The following L3MBTL1 variants were observed in gnomAD, a reference collection of about 807,000 sequenced individuals.
L3MBTL1 encodes the protein lethal(3)malignant brain tumor-like protein 1.
In L3MBTL1, 75 loss-of-function variants were observed where a neutral mutation model predicts 105.3. The ratio of observed to expected loss-of-function variants is 0.71; its 90% CI spans 0.59 to 0.86. The LOEUF is 0.86. Among genes scored for constraint, L3MBTL1 ranks in the 40% least tolerant of loss-of-function variants. L3MBTL1 has a pLI of 0.00. For missense variants in L3MBTL1, 1,069 were observed against 1,126.4 expected, an observed-to-expected ratio of 0.95 and a Z score of 0.73; for synonymous variants, 452 against 436.2, an observed-to-expected ratio of 1.04 and a Z score of -0.45.
Position 43,515,063 on chromosome 20 carries a change from A to G in L3MBTL1, c.557A>G (p.Asp186Gly). Residue 186 changes from aspartate to glycine, a missense_variant, in exon 5 of 22, where the codon GAT becomes GGT. Asp to Gly is a moderately conservative substitution (Grantham distance 94). Coordinates refer to ENST00000418998, the MANE Select transcript of L3MBTL1 (RefSeq NM_001377303.1). ...EDPNQDPPED[D>G]STCQCQACGP... ...CCCAATCAGGACCCCCCAGAGGATGATAGCACCTGTCAGTGCCAGGCGTGC... is the reference window on the plus strand; with the variant it reads ...CCCAATCAGGACCCCCCAGAGGATGGTAGCACCTGTCAGTGCCAGGCGTGC... 1.9e-6 allele frequency: 3 copies of G among 1,614,122 alleles called. No individual in the cohort carries two copies. The highest frequency in any genetic ancestry group is 2.5e-6 in the Non-Finnish European group (3 of 1,179,976).
chr20:43,545,882 T>C (rs533082250), downstream of L3MBTL1, among the ~76,000 whole-genome samples: 5 of 152,184 alleles, frequency 3.3e-5, no homozygotes, highest in Non-Finnish European at 7.3e-5. Context: ...ATGGGGTTCA[T>C]TCCCCCACTC....
chr20:43,514,840 C>T, intron 4 of L3MBTL1, 64 bp downstream of exon 4: 1 of 1,480,040 alleles, frequency 6.8e-7, no homozygotes, highest in Non-Finnish European at 9.0e-7. Context: ...GCCTGAGCCC[C>T]AGAAGGTTCG....
chr20:43,515,349 C>A lies in L3MBTL1; in HGVS notation c.711C>A (p.Pro237=). The A allele has an allele frequency of 6.3e-7, 1 of 1,576,742 alleles. No individual in the cohort carries two copies. Residue 237 remains proline (P), a synonymous_variant, in exon 6 of 22, where the codon CCC becomes CCA. Transcript: ENST00000418998. ...CCAGCGCTTCTGAGCTCCTCAAACC[C>A]ATGAAGAAGAGGAAGCGCAGGGAAT... The part of the protein sequence containing the change: ...GSTSASELLK[P]MKKRKRREYQ...
chr20:43,546,702 A>G (rs528562061), downstream of L3MBTL1, among the ~76,000 whole-genome samples: 20 of 152,292 alleles, frequency 1.3e-4, no homozygotes, highest in African/African-American at 4.3e-4. Flanking sequence ...CAACTGACCA[A>G]CTGACTTCCC....
chr20:43,511,237 A>G (rs1010684930), intron 1 of L3MBTL1, among the ~76,000 whole-genome samples: 3 of 152,174 alleles, frequency 2.0e-5, no homozygotes, highest in Non-Finnish European at 4.4e-5. Flanking sequence ...TTTTTTATTA[A>G]CAAGTTCAAG....
At chr20:43,514,116 C>T in intron 3 of L3MBTL1, 55 bp downstream of exon 3, 4 of 1,420,868 alleles carry the variant, frequency 2.8e-6, no homozygotes, top group Middle Eastern at 2.4e-4. Flanking sequence ...TGGGGCGGGG[C>T]TTGCAGGCCC....
rs1429867827 is a variant in L3MBTL1, at chr20:43,536,197, A to G, written c.2026A>G (p.Ser676Gly). Residue 676 changes from serine (S) to glycine (G), a missense_variant, in exon 18 of 22, where the codon AGC becomes GGC. Coordinates refer to ENST00000418998, the MANE Select transcript of L3MBTL1 (RefSeq NM_001377303.1). Reference sequence around the variant, plus strand: ...CTGCCCACTGGCTGAGAGGAACCAGAGCCGGCTGAAAGCGGAGCTGTCTGA... The same window carrying G: ...CTGCCCACTGGCTGAGAGGAACCAGGGCCGGCTGAAAGCGGAGCTGTCTGA... The part of the protein sequence containing the change: ...SGCPLAERNQ[S>G]RLKAELSDSE... The G allele has an allele frequency of 1.2e-6, 2 of 1,613,162 alleles. No individual in the cohort carries two copies. The highest frequency in any genetic ancestry group is 2.7e-5 in the African/African-American group (2 of 74,922).
At chr20:43,526,539 G>A (rs1414877250) in intron 7 of L3MBTL1, among the ~76,000 whole-genome samples, 1 of 152,208 alleles carries the variant, frequency 6.6e-6, no homozygotes, top group East Asian at 1.9e-4. Context: ...TTCCGCGTAG[G>A]TCCTTGAGAG....
intron 16 of L3MBTL1, 26 bp downstream of exon 16, chr20:43,534,968 C>T: frequency 6.7e-7 from 1 of 1,488,204 alleles, no homozygotes; most frequent in Non-Finnish European, 9.2e-7. Context: ...GCACTCTGAT[C>T]TTTTCCTTTC....
downstream of L3MBTL1, among the ~76,000 whole-genome samples, chr20:43,544,355 G>A (rs6103375): frequency 6.6e-6 from 1 of 152,214 alleles, no homozygotes; most frequent in Admixed American, 6.5e-5. Context: ...CAGCACTGCA[G>A]GCTGTTGCTT....
At chr20:43,514,503 C>T in intron 3 of L3MBTL1, 132 bp from the exon 4 acceptor site, 1 of 1,544,478 alleles carries the variant, frequency 6.5e-7, no homozygotes, top group Non-Finnish European at 8.8e-7. Flanking sequence ...AGTGAGGCCC[C>T]CTGGCGTGGA....
intron 1 of L3MBTL1, among the ~76,000 whole-genome samples, chr20:43,512,619 C>T (rs959494073): frequency 1.1e-4 from 17 of 152,150 alleles, no homozygotes; most frequent in Non-Finnish European, 1.3e-4. Context: ...CTAGTGGCTA[C>T]GGTGTTGGAC....
At chr20:43,539,646 GGGGTGGTCTTCAGCC>G (rs2019804022) in intron 19 of L3MBTL1, 1 of 234,742 alleles carries the variant, frequency 4.3e-6, no homozygotes, top group Non-Finnish European at 8.5e-6. Context: ...AGTGGCCAGA[GGGGTGGTCTTCAGCC>G]TGGTCAGGGG....
Position 43,523,411 on chromosome 20 carries a change from G to C in L3MBTL1, c.863-5246G>C. 4 of 219,720 alleles carry C rather than the reference G, an allele frequency of 1.8e-5. 1 individual carries two copies. In the South Asian group the frequency reaches 3.1e-4, roughly 17 times the overall value. 13.6% of individuals were successfully genotyped at this position (219,720 alleles called of 1,614,324 possible). Reference sequence around the variant, plus strand: ...GCAAGGAAAACCCAAGCATCCCTTGGATCCTGAGAGCTGATAAGCACCCAG... The same window carrying C: ...GCAAGGAAAACCCAAGCATCCCTTGCATCCTGAGAGCTGATAAGCACCCAG... On this transcript the variant is annotated intron_variant, in intron 7 of 21. Coordinates refer to ENST00000418998, the MANE Select transcript of L3MBTL1 (RefSeq NM_001377303.1).
In L3MBTL1 at chr20:43,540,993, G is replaced by A; in HGVS notation, c.2454G>A (p.Gln818=). The change falls in exon 22 of 22, where the codon CAG becomes CAA. Residue 818 remains glutamine (Q), a synonymous_variant. Transcript: ENST00000418998. ...SGKTLVWTVA[Q]LGDLVCSDHL... Reference sequence around the variant, plus strand: ...AGACTCTAGTCTGGACTGTGGCCCAGCTTGGGGACCTTGTGTGCTCAGATC... The same window carrying A: ...AGACTCTAGTCTGGACTGTGGCCCAACTTGGGGACCTTGTGTGCTCAGATC... 6.2e-7 allele frequency: 1 copy of A among 1,614,204 alleles called. No individual in the cohort carries two copies. The highest frequency in any genetic ancestry group is 8.5e-7 in the Non-Finnish European group (1 of 1,180,040).
chr20:43,516,188 T>A lies in L3MBTL1; in HGVS notation c.862+11T>A. The A allele has an allele frequency of 6.2e-7, 1 of 1,608,102 alleles. No individual in the cohort carries two copies. Among genetic ancestry groups the A allele is most frequent in the Non-Finnish European group, 8.5e-7 (1 of 1,174,790 alleles). ...GCAGCAGCCAGCCTGGTACGGTGGCTTGTGTGTATATATATTCGTGTGAGG... is the reference window on the plus strand; with the variant it reads ...GCAGCAGCCAGCCTGGTACGGTGGCATGTGTGTATATATATTCGTGTGAGG... On this transcript the variant is annotated intron_variant, in intron 7 of 21. Transcript: ENST00000418998.
chr20:43,508,080 T>C (rs1409239351), intron 1 of L3MBTL1, among the ~76,000 whole-genome samples: 1 of 151,916 alleles, frequency 6.6e-6, no homozygotes, highest in Non-Finnish European at 1.5e-5. Context: ...AATGGAAAGG[T>C]GTGGAGGGCG....
chr20:43,540,836 G>A (rs749215467), intron 21 of L3MBTL1, 21 bp downstream of exon 21: 1 of 1,613,678 alleles, frequency 6.2e-7, no homozygotes, highest in Admixed American at 1.7e-5. Flanking sequence ...AGTGCAGAGT[G>A]GGAGACAGAG....
At chr20:43,542,875 T>C (rs1179021549), downstream of L3MBTL1, among the ~76,000 whole-genome samples, 1 of 152,248 alleles carries the variant, frequency 6.6e-6, no homozygotes, top group Non-Finnish European at 1.5e-5. Context: ...TGTTTATTGC[T>C]GACTGGTGTT....
Sources: allele counts gnomAD v4.1 joint callset (sites outside exome capture counted in the v4.1 genomes callset), GRCh38; gene constraint gnomAD v4.1.1; transcripts MANE v1.5; gene names NCBI Gene and HGNC (gene_info 2026-07-23, HGNC 2026-07-21).